CHST9: variants seen among roughly 807,000 people sequenced by gnomAD.
CHST9 encodes the protein GalNAc-4-sulfotransferase 2.
A neutral mutation model predicts 44.4 loss-of-function variants in CHST9; 41 were observed. That is an observed-to-expected ratio of 0.92 (90% CI 0.72 to 1.20). The LOEUF is 1.20. Among genes scored for constraint, CHST9 ranks in the 50% most tolerant of loss-of-function variants. CHST9 has a pLI of 0.00. For missense variants in CHST9, 504 were observed against 516.5 expected, an observed-to-expected ratio of 0.98 and a Z score of 0.23; for synonymous variants, 171 against 178.4, an observed-to-expected ratio of 0.96 and a Z score of 0.33.
chr18:27,000,736 A>G (rs2056942721), intron 4 of CHST9, among the ~76,000 whole-genome samples: 1 of 152,054 alleles, frequency 6.6e-6, no homozygotes, highest in Non-Finnish European at 1.5e-5. Flanking sequence ...ATCTCATAAA[A>G]TTTACCTTTC....
At chr18:27,013,125 T>C (rs963487124) in intron 4 of CHST9, among the ~76,000 whole-genome samples, 2 of 152,208 alleles carry the variant, frequency 1.3e-5, no homozygotes, top group Non-Finnish European at 2.9e-5. Flanking sequence ...TAAAGGATTA[T>C]ATGATTCAAC....
At chr18:27,142,346 C>T (rs1431364064) in intron 2 of CHST9, among the ~76,000 whole-genome samples, 2 of 152,044 alleles carry the variant, frequency 1.3e-5, no homozygotes, top group Admixed American at 6.6e-5. Flanking sequence ...ACATTCAGGG[C>T]CTTTTAGGCT....
At chr18:27,158,428 A>G (rs376119045) in intron 1 of CHST9, among the ~76,000 whole-genome samples, 1 of 151,748 alleles carries the variant, frequency 6.6e-6, no homozygotes, top group Non-Finnish European at 1.5e-5. Context: ...TACAAAGGAC[A>G]TGAACTCATC....
At chr18:26,993,432 A>T (rs564833085) in intron 4 of CHST9, among the ~76,000 whole-genome samples, 2 of 152,366 alleles carry the variant, frequency 1.3e-5, no homozygotes, top group South Asian at 4.1e-4. Flanking sequence ...TGACTGTCTC[A>T]TAAAGAATAA....
At chr18:27,007,655 G>C (rs984308120) in intron 4 of CHST9, among the ~76,000 whole-genome samples, 3 of 151,782 alleles carry the variant, frequency 2.0e-5, no homozygotes, top group African/African-American at 7.3e-5. Flanking sequence ...GAAAGGGAAG[G>C]GGGAATCCTA....
chr18:27,162,885 G>A (rs1183610781), intron 1 of CHST9, among the ~76,000 whole-genome samples: 8 of 152,226 alleles, frequency 5.3e-5, no homozygotes, highest in South Asian at 2.1e-4. Flanking sequence ...GAGGAGAGGC[G>A]CTCTGCTTTT....
intron 4 of CHST9, among the ~76,000 whole-genome samples, chr18:26,975,412 TTGTC>T (rs916032437): frequency 4.5e-4 from 68 of 152,100 alleles, no homozygotes; most frequent in African/African-American, 1.6e-3. Context: ...TAATACCTCA[TTGTC>T]TGGCCCCTCC....
chr18:27,118,499 C>A (rs567677039), intron 2 of CHST9, among the ~76,000 whole-genome samples: 1 of 152,320 alleles, frequency 6.6e-6, no homozygotes, highest in East Asian at 1.9e-4. Flanking sequence ...ACAGAGAGTT[C>A]AACATCAGGG....
chr18:27,093,997 T>C (rs561088112), intron 2 of CHST9, among the ~76,000 whole-genome samples: 1 of 152,114 alleles, frequency 6.6e-6, no homozygotes, highest in African/African-American at 2.4e-5. Context: ...AGAATCAAAG[T>C]AAAAAACCAT....
intron 4 of CHST9, among the ~76,000 whole-genome samples, chr18:27,008,949 A>G (rs543794909): frequency 1.3e-5 from 2 of 151,640 alleles, no homozygotes; most frequent in African/African-American, 4.8e-5. Context: ...AAAATACTGA[A>G]ACTCAGAATT....
intron 2 of CHST9, among the ~76,000 whole-genome samples, chr18:27,086,993 T>C (rs971756473): frequency 1.3e-5 from 2 of 152,196 alleles, no homozygotes; most frequent in Non-Finnish European, 2.9e-5. Context: ...ACATGATTTA[T>C]GCACAGCAGA....
chr18:27,133,693 T>A (rs756209035), intron 2 of CHST9, among the ~76,000 whole-genome samples: 1 of 152,232 alleles, frequency 6.6e-6, no homozygotes, highest in Middle Eastern at 3.4e-3. Context: ...AAGTAAATTT[T>A]AAAAAACAAT....
At chr18:27,102,631 A>T (rs2058185137) in intron 2 of CHST9, among the ~76,000 whole-genome samples, 1 of 152,230 alleles carries the variant, frequency 6.6e-6, no homozygotes, top group Non-Finnish European at 1.5e-5. Context: ...TCAAAATTTG[A>T]TATTAAGCTT....
At chr18:27,053,195 A>AAGAAGAAGG (rs1568150977) in intron 2 of CHST9, among the ~76,000 whole-genome samples, 1 of 114,624 alleles carries the variant, frequency 8.7e-6, no homozygotes, top group Non-Finnish European at 1.9e-5. Flanking sequence ...GAAGAAGAAG[A>AAGAAGAAGG]AAGAACAAGA....
intron 4 of CHST9, among the ~76,000 whole-genome samples, chr18:26,948,963 G>C (rs2056204580): frequency 6.6e-6 from 1 of 152,152 alleles, no homozygotes; most frequent in Admixed American, 6.5e-5. Context: ...GTGGGAAGAG[G>C]GAAGGGGCCC....
intron 2 of CHST9, among the ~76,000 whole-genome samples, chr18:27,079,927 G>C (rs1185109489): frequency 2.0e-5 from 3 of 152,124 alleles, no homozygotes; most frequent in African/African-American, 7.2e-5. Context: ...GTCCACCTAG[G>C]TAATTCAAAA....
At chr18:27,086,663 T>C (rs565240896) in intron 2 of CHST9, among the ~76,000 whole-genome samples, 1 of 152,274 alleles carries the variant, frequency 6.6e-6, no homozygotes, top group African/African-American at 2.4e-5. Flanking sequence ...AATATGAAAC[T>C]AAAACACAAT....
intron 1 of CHST9, among the ~76,000 whole-genome samples, chr18:27,161,914 GA>G (rs1164418326): frequency 6.6e-6 from 1 of 151,746 alleles, no homozygotes; most frequent in Non-Finnish European, 1.5e-5. Context: ...TGTTTTATCA[GA>G]GACTAGGATT....
intron 2 of CHST9, among the ~76,000 whole-genome samples, chr18:27,141,377 A>G (rs2058563979): frequency 6.6e-6 from 1 of 151,092 alleles, no homozygotes; most frequent in Non-Finnish European, 1.5e-5. Flanking sequence ...AAACAAACAA[A>G]CAACAACAAA....
Sources: allele counts gnomAD v4.1 joint callset (sites outside exome capture counted in the v4.1 genomes callset), GRCh38; gene constraint gnomAD v4.1.1; transcripts MANE v1.5; gene names NCBI Gene and HGNC (gene_info 2026-07-23, HGNC 2026-07-21).